The following BBX variants were observed in gnomAD, a reference collection of about 807,000 sequenced individuals.
The protein encoded by BBX is BBX high mobility group box domain containing.
In BBX, 30 loss-of-function variants were observed where a neutral mutation model predicts 100.2. That is an observed-to-expected ratio of 0.30 (90% CI 0.22 to 0.41). The LOEUF (loss-of-function observed/expected upper bound fraction) is 0.41. Among genes scored for constraint, BBX ranks in the 10% least tolerant of loss-of-function variants. The pLI is 1.00. For synonymous variants in BBX, 376 were observed against 388.1 expected (o/e 0.97, Z 0.37); for missense variants, 1,023 against 1,129.8 (o/e 0.91, Z 1.35).
At chr3:107,699,955 G>C (rs1427703083) in intron 3 of BBX, among the ~76,000 whole-genome samples, 2 of 151,988 alleles carry the variant, frequency 1.3e-5, no homozygotes, top group African/African-American at 2.4e-5. Flanking sequence ...AGAATATTAG[G>C]AACCAGGTCA....
chr3:107,617,718 A>G (rs748987739), intron 2 of BBX, among the ~76,000 whole-genome samples: 4 of 152,020 alleles, frequency 2.6e-5, no homozygotes, highest in Admixed American at 6.5e-5. Context: ...TTAAAGTACA[A>G]TTGATTAAAT....
rs763871886 is a variant in BBX at position 107,773,554 on chromosome 3, C to G, written c.1833C>G (p.Ser611=). The stretch of plus-strand genomic sequence containing the variant: ...TAGAAACTTGTGGTTCCAGGAAATC[C>G]GAGAGGTCTTGCAAAGGTGCTCTTT... ...RKIETCGSRK[S]ERSCKGALYK... Residue 611 remains serine, a synonymous_variant, in exon 11 of 18, where the codon TCC becomes TCG. Transcript: ENST00000325805. This position sits in a 1 kb window ranked among gnomAD's most constrained non-coding sequence, Gnocchi z 4.1. The G allele has an allele frequency of 6.2e-7, 1 of 1,613,974 alleles. No individual in the cohort carries two copies. Among genetic ancestry groups the G allele is most frequent in the South Asian group, 1.1e-5 (1 of 91,076 alleles).
intron 2 of BBX, among the ~76,000 whole-genome samples, chr3:107,539,726 AAAGAT>A (rs1257092967): frequency 2.6e-5 from 4 of 152,206 alleles, no homozygotes; most frequent in African/African-American, 9.6e-5. Context: ...AGAAATTGAA[AAAGAT>A]AAGATAAATT....
chr3:107,668,569 A>G (rs1284205298), intron 3 of BBX, among the ~76,000 whole-genome samples: 2 of 152,172 alleles, frequency 1.3e-5, no homozygotes, highest in Non-Finnish European at 2.9e-5. Context: ...GGACCTAAGA[A>G]AGTTCATGCT....
At chr3:107,579,860 G>C (rs2052137967) in intron 2 of BBX, among the ~76,000 whole-genome samples, 1 of 152,070 alleles carries the variant, frequency 6.6e-6, no homozygotes. Flanking sequence ...ACATTAGAAA[G>C]GTACCTATGA....
chr3:107,659,460 A>G (rs1433330397), intron 3 of BBX: 1 of 160,250 alleles, frequency 6.2e-6, no homozygotes, highest in Non-Finnish European at 1.4e-5. Context: ...TTAAAAGTAC[A>G]TTTTCTGAAT....
chr3:107,628,011 G>C (rs950618946), intron 2 of BBX, among the ~76,000 whole-genome samples: 1 of 151,874 alleles, frequency 6.6e-6, no homozygotes, highest in Admixed American at 6.6e-5. Flanking sequence ...GATTACATCT[G>C]GTTATTTGTG....
chr3:107,799,158 A>C (rs1298853856), intron 16 of BBX, among the ~76,000 whole-genome samples: 2 of 151,942 alleles, frequency 1.3e-5, no homozygotes, highest in Admixed American at 6.5e-5. Flanking sequence ...TCAAAAAAAA[A>C]AACAACAACA....
chr3:107,733,060 C>T (rs4855764), intron 7 of BBX, 37 bp downstream of exon 7: 1,586,129 of 1,587,250 alleles, frequency 1, 792,513 homozygotes, highest in East Asian at 1. Context: ...TCTGCTCATA[C>T]TGTGGGTTGG....
chr3:107,617,863 G>T (rs2107678257), intron 2 of BBX, among the ~76,000 whole-genome samples: 1 of 151,926 alleles, frequency 6.6e-6, no homozygotes, highest in East Asian at 1.9e-4. Flanking sequence ...CTTCTTTCAG[G>T]TCTGTATGCC....
intron 2 of BBX, chr3:107,641,657 T>C (rs2057222256): frequency 6.6e-6 from 1 of 152,196 alleles, no homozygotes; most frequent in Admixed American, 6.5e-5. Flanking sequence ...ATATTTAATG[T>C]TTTTCAACTG....
intron 3 of BBX, among the ~76,000 whole-genome samples, chr3:107,650,908 A>G (rs6783198): frequency 0.12 from 17,795 of 152,224 alleles, 1,382 homozygotes; most frequent in Middle Eastern, 0.19. Context: ...GTCAGTTTCT[A>G]GTGAGGTCTG....
intron 2 of BBX, among the ~76,000 whole-genome samples, chr3:107,527,217 G>A (rs987036951): frequency 1.3e-5 from 2 of 151,266 alleles, no homozygotes; most frequent in Non-Finnish European, 3.0e-5. Context: ...TTGTAAGTTT[G>A]CCCCTCCATT....
chr3:107,727,949 A>G (rs1312140787), intron 5 of BBX, among the ~76,000 whole-genome samples: 1 of 152,210 alleles, frequency 6.6e-6, no homozygotes, highest in Non-Finnish European at 1.5e-5. Flanking sequence ...TATGTAACGA[A>G]TAGCAATAAA....
chr3:107,638,236 C>G (rs2056968311), intron 2 of BBX, among the ~76,000 whole-genome samples: 1 of 152,140 alleles, frequency 6.6e-6, no homozygotes, highest in African/African-American at 2.4e-5. Context: ...ATATTTTGTA[C>G]AGGCAGGGTC....
At chr3:107,630,507 A>G (rs940163486) in intron 2 of BBX, among the ~76,000 whole-genome samples, 1 of 152,156 alleles carries the variant, frequency 6.6e-6, no homozygotes, top group Non-Finnish European at 1.5e-5. Context: ...AATGACGTTC[A>G]GTTTTCAGAT....
At chr3:107,735,689 T>G (rs1173993576) in intron 7 of BBX, among the ~76,000 whole-genome samples, 1 of 151,980 alleles carries the variant, frequency 6.6e-6, no homozygotes, top group African/African-American at 2.4e-5. Flanking sequence ...AGTCCCAGAT[T>G]AAAAGCCTAT....
At chr3:107,616,443 TGTTTTA>T (rs2055290720) in intron 2 of BBX, among the ~76,000 whole-genome samples, 1 of 151,902 alleles carries the variant, frequency 6.6e-6, no homozygotes, top group Non-Finnish European at 1.5e-5. Context: ...TTTTTGTTTT[TGTTTTA>T]AAGAAACTTC....
At chr3:107,542,805 C>A (rs1252871906) in intron 2 of BBX, among the ~76,000 whole-genome samples, 1 of 152,204 alleles carries the variant, frequency 6.6e-6, no homozygotes, top group South Asian at 2.1e-4. Flanking sequence ...ACTCACTCCC[C>A]TATCGTGCCT....
Sources: allele counts gnomAD v4.1 joint callset (sites outside exome capture counted in the v4.1 genomes callset), GRCh38; gene constraint gnomAD v4.1.1; non-coding constraint Gnocchi (gnomAD v3.1); transcripts MANE v1.5; gene names NCBI Gene and HGNC (gene_info 2026-07-23, HGNC 2026-07-21).